Variants in CCDC192 observed in about 807,000 individuals in gnomAD.
CCDC192 encodes coiled-coil domain containing 192, also known as coiled-coil domain-containing protein 192.
chr5:127,820,187 G>A (rs774186655), intron 5 of CCDC192, among the ~76,000 whole-genome samples: 2 of 152,152 alleles, frequency 1.3e-5, no homozygotes, highest in Non-Finnish European at 2.9e-5. Flanking sequence ...TTTCTAAATA[G>A]GTTATTCTTT....
intron 5 of CCDC192, among the ~76,000 whole-genome samples, chr5:127,823,098 T>C (rs1327116178): frequency 6.6e-6 from 1 of 152,228 alleles, no homozygotes; most frequent in Non-Finnish European, 1.5e-5. Context: ...CAGGCAAACC[T>C]GCTACTCCCC....
chr5:127,881,269 A>G lies in CCDC192; in HGVS notation c.535+5608A>G, dbSNP rs139465550. ...TGCTTTGTTGTAACAATTATATGGC[A>G]AGAAGGGGAAAAAAGTGTTGATTCT... On this transcript the variant is annotated intron_variant, in intron 6 of 6. Coordinates refer to ENST00000514853, the MANE Select transcript of CCDC192 (RefSeq NM_001317938.2). Among the ~76,000 whole-genome samples the G allele has an allele frequency of 1.1e-4, 16 of 152,328 alleles. No homozygotes were observed. The East Asian group carries it at 3.1e-3, about 29-fold the overall frequency.
intron 5 of CCDC192, among the ~76,000 whole-genome samples, chr5:127,869,728 C>T (rs245181): frequency 0.74 from 112,465 of 152,168 alleles, 42,206 homozygotes; most frequent in African/African-American, 0.88. Context: ...TATAGGCAAA[C>T]TCTTCCCTTA....
At chr5:127,891,941 T>C in intron 6 of CCDC192, among the ~76,000 whole-genome samples, 1 of 152,226 alleles carries the variant, frequency 6.6e-6, no homozygotes, top group East Asian at 1.9e-4. Context: ...TTCGAGGGTA[T>C]ATATTACATC....
chr5:127,763,899 C>A (rs1476808482), intron 3 of CCDC192, among the ~76,000 whole-genome samples: 1 of 152,134 alleles, frequency 6.6e-6, no homozygotes, highest in African/African-American at 2.4e-5. Flanking sequence ...CTTTTCAGAT[C>A]CTCAGTTAGA....
At chr5:127,847,421 A>G (rs1750605191) in intron 5 of CCDC192, among the ~76,000 whole-genome samples, 1 of 152,220 alleles carries the variant, frequency 6.6e-6, no homozygotes, top group African/African-American at 2.4e-5. Context: ...TTCAAAAGAT[A>G]TAGAACTTTA....
At chr5:127,798,356 A>C (rs1757291669) in intron 5 of CCDC192, among the ~76,000 whole-genome samples, 194 bp downstream of exon 5, 1 of 152,218 alleles carries the variant, frequency 6.6e-6, no homozygotes, top group African/African-American at 2.4e-5. Flanking sequence ...GATGACCAAA[A>C]TTCCAAACTG....
intron 3 of CCDC192, among the ~76,000 whole-genome samples, chr5:127,782,735 T>C (rs1029215691): frequency 6.6e-6 from 1 of 152,158 alleles, no homozygotes; most frequent in Non-Finnish European, 1.5e-5. Flanking sequence ...GATGTATCAA[T>C]TTTATTTATC....
At chr5:127,898,363 C>T (rs1176365209) in intron 6 of CCDC192, among the ~76,000 whole-genome samples, 3 of 152,158 alleles carry the variant, frequency 2.0e-5, no homozygotes, top group African/African-American at 7.2e-5. Flanking sequence ...CCCACCTCAG[C>T]ATCCGAAAGT....
rs537502493 is a variant in CCDC192, at chr5:127,764,666, C to G, written c.222+10291C>G. On this transcript the variant is annotated intron_variant, in intron 3 of 6. Transcript: ENST00000514853. The stretch of plus-strand genomic sequence containing the variant: ...TGTCTAATCTTTTGGCTTCTCTTGG[C>G]CACATTAGAAGAAGAAGAATTGTCT... Among the ~76,000 whole-genome samples the G allele has an allele frequency of 3.3e-5, 5 of 151,934 alleles. No homozygotes were observed. The East Asian group carries it at 9.7e-4, about 29-fold the overall frequency.
rs111832610 is a variant in CCDC192, at chr5:127,904,647, G to A, written c.535+28986G>A. On this transcript the variant is annotated intron_variant, in intron 6 of 6. Transcript: ENST00000514853. ...CCCCTGAGTAGCCGGGATTACTGGC[G>A]CTTGCCACCGCACCCAACTAATTTT... Among the ~76,000 whole-genome samples the A allele has an allele frequency of 5.2e-3, 796 of 151,882 alleles. 12 individuals carry two copies. Among genetic ancestry groups the A allele is most frequent in the African/African-American group, 0.018 (762 of 41,416 alleles).
At chr5:127,725,827 A>G (rs986967922) in intron 2 of CCDC192, among the ~76,000 whole-genome samples, 4 of 152,220 alleles carry the variant, frequency 2.6e-5, no homozygotes, top group African/African-American at 9.6e-5. Flanking sequence ...ATGAAGCTAA[A>G]AACAACATAC....
At chr5:127,767,164 G>T (rs1308211732) in intron 3 of CCDC192, among the ~76,000 whole-genome samples, 1 of 152,180 alleles carries the variant, frequency 6.6e-6, no homozygotes, top group Non-Finnish European at 1.5e-5. Context: ...AATGCTCTGA[G>T]AATGTGCCAG....
chr5:127,752,766 C>T (rs1336267750), intron 2 of CCDC192, among the ~76,000 whole-genome samples: 2 of 152,314 alleles, frequency 1.3e-5, no homozygotes, highest in African/African-American at 2.4e-5. Flanking sequence ...GTCAGCGAGA[C>T]TCCGTGGGCG....
At chr5:127,742,055 G>C (rs1204930628) in intron 2 of CCDC192, among the ~76,000 whole-genome samples, 1 of 152,180 alleles carries the variant, frequency 6.6e-6, no homozygotes, top group Non-Finnish European at 1.5e-5. Context: ...GAGACTCCTA[G>C]TGAGCATATT....
chr5:127,711,196 T>C (rs552916484), intron 2 of CCDC192, among the ~76,000 whole-genome samples: 17 of 152,324 alleles, frequency 1.1e-4, no homozygotes, highest in Middle Eastern at 3.4e-3. Flanking sequence ...CATCTAAAAG[T>C]AAGGCTATGG....
At chr5:127,874,559 T>C (rs1751989279) in intron 5 of CCDC192, among the ~76,000 whole-genome samples, 1 of 152,144 alleles carries the variant, frequency 6.6e-6, no homozygotes, top group Non-Finnish European at 1.5e-5. Context: ...ACTGCCTGAG[T>C]ATAGTGCCTT....
intron 6 of CCDC192, among the ~76,000 whole-genome samples, chr5:127,929,143 G>T (rs1476287636): frequency 6.6e-6 from 1 of 152,176 alleles, no homozygotes; most frequent in Non-Finnish European, 1.5e-5. Flanking sequence ...GATCCCACTT[G>T]GCTGGTACTG....
chr5:127,775,523 T>A (rs1227833561), intron 3 of CCDC192, among the ~76,000 whole-genome samples: 1 of 152,240 alleles, frequency 6.6e-6, no homozygotes. Context: ...TACCTCCTCT[T>A]GGGAACTGAG....
Sources: gnomAD v4.1 joint callset for allele counts (sites outside exome capture counted in the v4.1 genomes callset) on GRCh38, gnomAD v4.1.1 for gene constraint, MANE v1.5 for transcripts, NCBI Gene and HGNC (gene_info 2026-07-23, HGNC 2026-07-21) for gene names.